Variants in CPEB4 observed in about 807,000 individuals in gnomAD.
The protein encoded by CPEB4 is cytoplasmic polyadenylation element-binding protein 4.
CPEB4 carries 12 observed loss-of-function variants against 72.5 expected under a neutral mutation model. The ratio of observed to expected loss-of-function variants is 0.17; its 90% CI spans 0.11 to 0.27. CPEB4 has a LOEUF of 0.27. Among genes scored for constraint, CPEB4 ranks in the 10% least tolerant of loss-of-function variants. The pLI, the probability that CPEB4 is intolerant of heterozygous loss-of-function variation, is 1.00. For missense variants in CPEB4, 614 were observed against 908.5 expected (o/e 0.68, Z 4.17); for synonymous variants, 302 against 326.3 (o/e 0.93, Z 0.80).
At chr5:173,951,771 C>A in intron 7 of CPEB4, 53 bp from the exon 8 acceptor site, 1 of 985,530 alleles carries the variant, frequency 1.0e-6, no homozygotes, top group Non-Finnish European at 1.6e-6. Flanking sequence ...AACTTTTTTG[C>A]CCATGAATTG....
At chr5:173,939,266 G>A (rs1390134468) in intron 3 of CPEB4, among the ~76,000 whole-genome samples, 1 of 152,160 alleles carries the variant, frequency 6.6e-6, no homozygotes, top group African/African-American at 2.4e-5. Context: ...ATCTTAGAGA[G>A]CTTTAGGTAC....
At chr5:173,927,280 GT>G (rs1165785959) in intron 2 of CPEB4, among the ~76,000 whole-genome samples, 7 of 152,270 alleles carry the variant, frequency 4.6e-5, no homozygotes, top group African/African-American at 1.7e-4. Flanking sequence ...AAATACTGGT[GT>G]TTTGAGTTCA....
chr5:173,934,434 C>A (rs950622820), intron 3 of CPEB4, among the ~76,000 whole-genome samples: 3 of 152,006 alleles, frequency 2.0e-5, no homozygotes, highest in African/African-American at 7.2e-5. Flanking sequence ...TTAACATTGC[C>A]TCAAACTGAA....
chr5:173,933,660 G>A (rs746061943), intron 3 of CPEB4, among the ~76,000 whole-genome samples: 8 of 152,304 alleles, frequency 5.3e-5, no homozygotes, highest in Admixed American at 2.0e-4. Flanking sequence ...ATATATACAT[G>A]CAGAAGAGTT....
In CPEB4 at chr5:173,939,341, GTACATACATACATACA is replaced by G. The variant is rs34845457; in HGVS notation, c.1259-3668_1259-3653del. ...TAATAGGGTTGCTCCTTTGAAATAC[GTACATACATACATACA>G]TACATACATACATACAAATGCCACC... is the stretch of plus-strand genomic sequence containing the variant. On this transcript the variant is annotated intron_variant, in intron 3 of 9. Coordinates refer to ENST00000265085, the MANE Select transcript of CPEB4 (RefSeq NM_030627.4). 2.3e-4 allele frequency among the ~76,000 whole-genome samples: 34 copies of G among 150,514 alleles called. No individual in the cohort carries two copies. In the South Asian group the frequency reaches 6.3e-3, roughly 28 times the overall value.
rs1447784497 is a variant in CPEB4, at chr5:173,890,446, A to G, written c.713A>G (p.His238Arg). The change falls in exon 1 of 10, where the codon CAT becomes CGT. Residue 238 changes from histidine to arginine, a missense_variant. Physicochemically the swap from His to Arg is conservative, Grantham distance 29. Coordinates refer to ENST00000265085, the MANE Select transcript of CPEB4 (RefSeq NM_030627.4). ...TCACAGCACCACCCACATCACCCTC[A>G]TTTCCAGCATCATCACAGCCAGCAT... The part of the protein sequence containing the change: ...PLSQHHPHHP[H>R]FQHHHSQHQQ... The G allele has an allele frequency of 3.1e-6, 5 of 1,612,562 alleles. No homozygotes were observed. The highest frequency in any genetic ancestry group is 3.4e-6 in the Non-Finnish European group (4 of 1,179,230).
chr5:173,932,520 C>T lies in CPEB4; in HGVS notation c.1258+20C>T. On this transcript the variant is annotated intron_variant, in intron 3 of 9. Coordinates refer to ENST00000265085, the MANE Select transcript of CPEB4 (RefSeq NM_030627.4). ...TTAATGGTAAGTGATAATTGATTTA[C>T]CCTAGTGAAGTGCACAAAACTGATA... 6.2e-7 allele frequency: 1 copy of T among 1,600,388 alleles called. No individual in the cohort carries two copies. The highest frequency in any genetic ancestry group is 1.1e-5 in the South Asian group (1 of 90,174).
chr5:173,958,970 G>C lies in CPEB4; in HGVS notation c.*2833G>C, dbSNP rs1196129356. ...ATTGTTATTCTACTAATATTTACTT[G>C]TGATTGTGTGACAAGTGTGTTTACA... On this transcript the variant is annotated 3_prime_UTR_variant, in exon 10 of 10. Transcript: ENST00000265085. 2 of 152,720 alleles carry C rather than the reference G, an allele frequency of 1.3e-5. No individual in the cohort carries two copies. Among genetic ancestry groups the C allele is most frequent in the African/African-American group, 4.8e-5 (2 of 41,438 alleles). 9.5% of individuals were successfully genotyped at this position (152,720 alleles called of 1,614,324 possible).
At chr5:173,895,380 C>A (rs1755969407) in intron 1 of CPEB4, among the ~76,000 whole-genome samples, 1 of 152,192 alleles carries the variant, frequency 6.6e-6, no homozygotes, top group Non-Finnish European at 1.5e-5. Context: ...AATTATGTTG[C>A]CGCTTTCATT....
At position 173,888,422 on chromosome 5, in the gene CPEB4, C is replaced by T. The variant is rs981153269; in HGVS notation, c.-1312C>T. ...GGGCACCGGGAGGCGGTGGCGGCGGCGGCGGCGGCAGCAGCGGCGACAGCA... is the reference window on the plus strand; with the variant it reads ...GGGCACCGGGAGGCGGTGGCGGCGGTGGCGGCGGCAGCAGCGGCGACAGCA... On this transcript the variant is annotated 5_prime_UTR_variant, in exon 1 of 10. Transcript: ENST00000265085. The surrounding 1 kb of genome is among the most constrained non-coding windows in gnomAD (Gnocchi z 4.3). 3 of 458,882 alleles carry T rather than the reference C, an allele frequency of 6.5e-6. No homozygotes were observed. The highest frequency in any genetic ancestry group is 1.0e-4 in the South Asian group (2 of 19,140). The allele number at this position is 458,882 out of a possible 1,614,324, so 28.4% of individuals were successfully genotyped here.
At position 173,957,202 on chromosome 5, in the gene CPEB4, A is replaced by G. The variant is rs1010230262; in HGVS notation, c.*1065A>G. 1 of 152,790 alleles carries G rather than the reference A, an allele frequency of 6.5e-6. No homozygotes were observed. The highest frequency in any genetic ancestry group is 1.5e-5 in the Non-Finnish European group (1 of 68,024). The allele number at this position is 152,790 out of a possible 1,614,324, so 9.5% of individuals were successfully genotyped here. On this transcript the variant is annotated 3_prime_UTR_variant, in exon 10 of 10. Coordinates refer to ENST00000265085, the MANE Select transcript of CPEB4 (RefSeq NM_030627.4). ...TGATTTTGTGTTACAGTACACTTGT[A>G]GCCAAAACTGGAAGACAAAACCAAT...
In CPEB4 at chr5:173,900,675, G is replaced by A. The variant is rs758836038; in HGVS notation, c.1125+9817G>A. 5.3e-5 allele frequency among the ~76,000 whole-genome samples: 8 copies of A among 152,274 alleles called. No homozygotes were observed. Among genetic ancestry groups the A allele is most frequent in the African/African-American group, 1.9e-4 (8 of 41,558 alleles). ...ATTTTGATTATCTCTATGAAAACAGGTTATAGAAAATAGCACAGAATCACT... is the reference window on the plus strand; with the variant it reads ...ATTTTGATTATCTCTATGAAAACAGATTATAGAAAATAGCACAGAATCACT... On this transcript the variant is annotated intron_variant, in intron 1 of 9. Transcript: ENST00000265085. The surrounding 1 kb of genome is among the most constrained non-coding windows in gnomAD (Gnocchi z 4.4).
Position 173,916,039 on chromosome 5 carries a change from G to A in CPEB4, c.1207+5435G>A, listed in dbSNP as rs547440015. Among the ~76,000 whole-genome samples, 3 of 152,270 alleles carry A rather than the reference G, an allele frequency of 2.0e-5. No homozygotes were observed. In the South Asian group the frequency reaches 6.2e-4, roughly 32 times the overall value. On this transcript the variant is annotated intron_variant, in intron 2 of 9. Coordinates refer to ENST00000265085, the MANE Select transcript of CPEB4 (RefSeq NM_030627.4). ...TCCACAGTTTCATGATAGTGGTTGA[G>A]TATTTTAAATTCAATATATGAAAAC...
At chr5:173,951,561 A>C (rs1758217045) in intron 7 of CPEB4, among the ~76,000 whole-genome samples, 1 of 152,206 alleles carries the variant, frequency 6.6e-6, no homozygotes, top group Non-Finnish European at 1.5e-5. Flanking sequence ...ACAGTGAATT[A>C]ACTTACAAAT....
rs1758172555 is a variant in CPEB4 at position 173,950,330 on chromosome 5, CAT to C, written c.1665+253_1665+254del. On this transcript the variant is annotated intron_variant, in intron 7 of 9. Transcript: ENST00000265085. The surrounding 1 kb of genome is among the most constrained non-coding windows in gnomAD (Gnocchi z 5.0). ...ATTTTTAAAAGATTTCACGGCTGGGCATGGTGGCTCACACCTGTAATCCCAGC... is the reference window on the plus strand; with the variant it reads ...ATTTTTAAAAGATTTCACGGCTGGGCGGTGGCTCACACCTGTAATCCCAGC... Among the ~76,000 whole-genome samples the C allele has an allele frequency of 6.6e-6, 1 of 152,164 alleles. No homozygotes were observed. Among genetic ancestry groups the C allele is most frequent in the Non-Finnish European group, 1.5e-5 (1 of 68,036 alleles).
chr5:173,909,197 G>A (rs961534161), intron 1 of CPEB4, among the ~76,000 whole-genome samples: 1 of 152,188 alleles, frequency 6.6e-6, no homozygotes, highest in Admixed American at 6.5e-5. Context: ...TAATTTTAAT[G>A]CAACAAAATC....
intron 7 of CPEB4, 79 bp from the exon 8 acceptor site, chr5:173,951,745 C>T: frequency 1.3e-6 from 1 of 798,224 alleles, no homozygotes; most frequent in South Asian, 1.4e-5. Context: ...TTTAAAAATA[C>T]TTTGTAATAA....
chr5:173,948,129 A>G (rs568159145), intron 5 of CPEB4, among the ~76,000 whole-genome samples: 38 of 152,298 alleles, frequency 2.5e-4, no homozygotes, highest in South Asian at 2.1e-4. Context: ...GAATAAATCA[A>G]TGGGACAGAT....
chr5:173,917,833 A>G (rs1335644058), intron 2 of CPEB4, among the ~76,000 whole-genome samples: 1 of 152,236 alleles, frequency 6.6e-6, no homozygotes, highest in Non-Finnish European at 1.5e-5. Context: ...GTGGTATCAA[A>G]TGTGTCTGGC....
Sources: allele counts gnomAD v4.1 joint callset (sites outside exome capture counted in the v4.1 genomes callset), GRCh38; gene constraint gnomAD v4.1.1; non-coding constraint Gnocchi (gnomAD v3.1); transcripts MANE v1.5; gene names NCBI Gene and HGNC (gene_info 2026-07-23, HGNC 2026-07-21).